ASPH: variants seen among roughly 807,000 people sequenced by gnomAD.
The protein encoded by ASPH is aspartate beta-hydroxylase, also known as aspartyl/asparaginyl beta-hydroxylase.
Under a neutral mutation model 118.4 loss-of-function variants are expected in ASPH, and 100 were observed. The observed-to-expected ratio is 0.84, with a 90% CI of 0.72 to 1.00. ASPH has a LOEUF of 1.00. Ranked by LOEUF, ASPH falls within the 50% of genes least tolerant of loss-of-function variation. The pLI, the probability that ASPH is intolerant of heterozygous loss-of-function variation, is 0.00. For synonymous variants in ASPH, 315 were observed against 325.6 expected (o/e 0.97, Z 0.35); for missense variants, 920 against 919.5 (o/e 1.00, Z -0.01).
At chr8:61,519,033 G>C (rs1226322405) in intron 22 of ASPH, among the ~76,000 whole-genome samples, 1 of 152,178 alleles carries the variant, frequency 6.6e-6, no homozygotes, top group Non-Finnish European at 1.5e-5. Context: ...GAAAACACTT[G>C]AGCTTGCCGA....
Position 61,704,920 on chromosome 8 carries a change from T to C in ASPH, c.103+9349A>G, listed in dbSNP as rs900643614. The stretch of plus-strand genomic sequence containing the variant: ...TACTCTGCAAAAGAGTTGAACAGTT[T>C]CTTAATAAAACTAAACATACACCTA... On this transcript the variant is annotated intron_variant, in intron 1 of 24. Transcript: ENST00000379454. Among the ~76,000 whole-genome samples, 8 of 152,256 alleles carry C rather than the reference T, an allele frequency of 5.3e-5. No individual in the cohort carries two copies. In the South Asian group the frequency reaches 1.7e-3, roughly 32 times the overall value.
Position 61,623,526 on chromosome 8 carries a change from A to C in ASPH, c.935-4507T>G, listed in dbSNP as rs138833057. Among the ~76,000 whole-genome samples the C allele has an allele frequency of 7.8e-4, 118 of 152,242 alleles. 2 individuals are homozygous for C. The East Asian group carries it at 0.022, about 29-fold the overall frequency. On this transcript the variant is annotated intron_variant, in intron 13 of 24. Coordinates refer to ENST00000379454, the MANE Select transcript of ASPH (RefSeq NM_004318.4). ...TTTACTTTGTTGTTTCCTTTGCTGT[A>C]CAGAAGCTTTGTAACTTAATGTGAT...
intron 21 of ASPH, among the ~76,000 whole-genome samples, chr8:61,538,321 C>T (rs1435928472): frequency 1.3e-5 from 2 of 152,246 alleles, no homozygotes; most frequent in Non-Finnish European, 2.9e-5. Flanking sequence ...AAAGTGTCAT[C>T]GAAACCCAAA....
At chr8:61,523,568 C>T (rs571269730) in intron 22 of ASPH, among the ~76,000 whole-genome samples, 4 of 152,068 alleles carry the variant, frequency 2.6e-5, no homozygotes, top group African/African-American at 4.8e-5. Flanking sequence ...CTGCCTGCCT[C>T]GGCCTCCCAA....
intron 14 of ASPH, among the ~76,000 whole-genome samples, chr8:61,602,836 C>A (rs1057098108): frequency 1.3e-5 from 2 of 152,006 alleles, no homozygotes; most frequent in Non-Finnish European, 2.9e-5. Flanking sequence ...ATTAACTATA[C>A]CTCAGTGAAG....
At chr8:61,584,738 G>T (rs555493999) in intron 14 of ASPH, among the ~76,000 whole-genome samples, 2 of 150,070 alleles carry the variant, frequency 1.3e-5, no homozygotes, top group East Asian at 3.9e-4. Context: ...TGAACTCCTG[G>T]CCTCAAGCGA....
At chr8:61,647,800 T>C (rs1808797138) in intron 5 of ASPH, among the ~76,000 whole-genome samples, 1 of 152,268 alleles carries the variant, frequency 6.6e-6, no homozygotes, top group African/African-American at 2.4e-5. Flanking sequence ...TATGCAAAGA[T>C]GCCCACTTTC....
At chr8:61,516,105 A>G (rs545636210) in intron 24 of ASPH, among the ~76,000 whole-genome samples, 42 of 152,328 alleles carry the variant, frequency 2.8e-4, no homozygotes, top group African/African-American at 9.6e-4. Flanking sequence ...ATTATTATTC[A>G]ATATTCTTCA....
chr8:61,578,744 C>T, intron 15 of ASPH: 2 of 1,603,866 alleles, frequency 1.2e-6, no homozygotes, highest in Non-Finnish European at 1.7e-6. Flanking sequence ...TGGAGGACTT[C>T]AAGAACAAGT....
At chr8:61,613,602 A>G (rs1487372719) in intron 14 of ASPH, among the ~76,000 whole-genome samples, 1 of 152,226 alleles carries the variant, frequency 6.6e-6, no homozygotes, top group East Asian at 1.9e-4. Context: ...ACAAAAAGAG[A>G]AACACACTTT....
At chr8:61,542,332 A>G (rs776667060) in intron 21 of ASPH, among the ~76,000 whole-genome samples, 54 of 151,988 alleles carry the variant, frequency 3.6e-4, no homozygotes, top group Non-Finnish European at 5.0e-4. Flanking sequence ...CAACAGATAG[A>G]TATTTACTAG....
At chr8:61,533,060 T>C (rs1021825759) in intron 21 of ASPH, among the ~76,000 whole-genome samples, 1 of 152,134 alleles carries the variant, frequency 6.6e-6, no homozygotes, top group Non-Finnish European at 1.5e-5. Context: ...ATTTTTTCTA[T>C]TCTGAACTAT....
intron 14 of ASPH, among the ~76,000 whole-genome samples, chr8:61,605,123 T>C (rs1845177295): frequency 6.6e-6 from 1 of 152,228 alleles, no homozygotes; most frequent in Non-Finnish European, 1.5e-5. Flanking sequence ...TGTTTTCACA[T>C]ATAAACACTT....
At chr8:61,685,734 T>C (rs1443697295) in intron 1 of ASPH, among the ~76,000 whole-genome samples, 1 of 152,072 alleles carries the variant, frequency 6.6e-6, no homozygotes, top group East Asian at 1.9e-4. Context: ...CATCTGAGTA[T>C]ATATATGTAC....
At chr8:61,622,320 G>C (rs891831074) in intron 13 of ASPH, among the ~76,000 whole-genome samples, 3 of 152,200 alleles carry the variant, frequency 2.0e-5, no homozygotes, top group African/African-American at 7.2e-5. Flanking sequence ...TCTGGTGACA[G>C]GGCGAGACTC....
chr8:61,589,790 G>A (rs956185989), intron 14 of ASPH, among the ~76,000 whole-genome samples: 2 of 152,114 alleles, frequency 1.3e-5, no homozygotes, highest in South Asian at 2.1e-4. Flanking sequence ...AGAATTCAAC[G>A]GGATCTTTCT....
At chr8:61,622,368 A>G (rs1294939228) in intron 13 of ASPH, among the ~76,000 whole-genome samples, 1 of 152,090 alleles carries the variant, frequency 6.6e-6, no homozygotes, top group Non-Finnish European at 1.5e-5. Flanking sequence ...CAAAAAACAG[A>G]TATACTGTAC....
intron 14 of ASPH, among the ~76,000 whole-genome samples, chr8:61,594,472 A>T (rs752609058): frequency 6.6e-6 from 1 of 152,192 alleles, no homozygotes; most frequent in Non-Finnish European, 1.5e-5. Context: ...ATACCAAAAA[A>T]ATTGCTACAG....
chr8:61,654,039 CTT>C (rs1171060614), intron 3 of ASPH, among the ~76,000 whole-genome samples: 1 of 152,136 alleles, frequency 6.6e-6, no homozygotes, highest in Non-Finnish European at 1.5e-5. Context: ...CTAAAATGCA[CTT>C]GAATTTTCTG....
Sources: gnomAD v4.1 joint callset for allele counts (sites outside exome capture counted in the v4.1 genomes callset) on GRCh38, gnomAD v4.1.1 for gene constraint, MANE v1.5 for transcripts, NCBI Gene and HGNC (gene_info 2026-07-23, HGNC 2026-07-21) for gene names.